Variants in AXL observed in about 807,000 individuals in gnomAD.
AXL encodes AXL receptor tyrosine kinase.
AXL carries 52 observed loss-of-function variants against 104.5 expected under a neutral mutation model. The ratio of observed to expected loss-of-function variants is 0.50; its 90% CI spans 0.40 to 0.63. The LOEUF is 0.63. Among genes scored for constraint, AXL ranks in the 20% least tolerant of loss-of-function variants. The pLI is 0.00. For synonymous variants in AXL, 455 were observed against 473.7 expected (o/e 0.96, Z 0.51); for missense variants, 1,024 against 1,188.5 (o/e 0.86, Z 2.04).
intron 19 of AXL, 48 bp downstream of exon 19, chr19:41,257,677 T>A: frequency 6.2e-7 from 1 of 1,611,080 alleles, no homozygotes; most frequent in Admixed American, 1.7e-5. Flanking sequence ...TCCAAACCCC[T>A]GACTACCCCC....
intron 17 of AXL, among the ~76,000 whole-genome samples, chr19:41,256,080 GGTGT>G (rs71177704): frequency 1.2e-4 from 18 of 150,618 alleles, no homozygotes; most frequent in Non-Finnish European, 2.4e-4. Context: ...TGGTTACATG[GGTGT>G]GTGTGTGTGT....
At chr19:41,244,940 T>G (rs927468828) in intron 12 of AXL, among the ~76,000 whole-genome samples, 8 of 152,046 alleles carry the variant, frequency 5.3e-5, no homozygotes, top group Non-Finnish European at 1.0e-4. Flanking sequence ...TACTATTTTT[T>G]TTTTTTTTTT....
chr19:41,226,879 G>C, intron 4 of AXL: 2 of 854,272 alleles, frequency 2.3e-6, no homozygotes, highest in Non-Finnish European at 2.8e-6. Flanking sequence ...GGATCGCTTG[G>C]GGCCAGAAGT....
In AXL at chr19:41,249,554, G is replaced by A. The variant is rs576319151; in HGVS notation, c.1711+734G>A. Among the ~76,000 whole-genome samples the A allele has an allele frequency of 1.8e-4, 27 of 152,174 alleles. No homozygotes were observed. In the East Asian group the frequency reaches 4.6e-3, roughly 26 times the overall value. On this transcript the variant is annotated intron_variant, in intron 14 of 19. Coordinates refer to ENST00000301178, the MANE Select transcript of AXL (RefSeq NM_021913.5). ...GTGGATCACATGAGGTCAGGAGTTC[G>A]AGACTGGCCTGATCTGCATAGCGAA...
At chr19:41,252,747 T>A (rs1238341444) in intron 15 of AXL, 99 bp from the exon 16 acceptor site, 2 of 1,570,192 alleles carry the variant, frequency 1.3e-6, no homozygotes, top group African/African-American at 2.7e-5. Context: ...GTGGCCAGAT[T>A]GGATGGGTAG....
chr19:41,243,845 TAGAA>T (rs2034226487), intron 12 of AXL, 138 bp downstream of exon 12: 1 of 657,110 alleles, frequency 1.5e-6, no homozygotes. Context: ...CCACAGACCC[TAGAA>T]ATAACAGATT....
chr19:41,230,815 C>T, intron 4 of AXL, 152 bp from the exon 5 acceptor site: 1 of 787,508 alleles, frequency 1.3e-6, no homozygotes, highest in Non-Finnish European at 2.2e-6. Flanking sequence ...AACTCATTGC[C>T]CTCAACTCTG....
At chr19:41,258,709 C>T (rs1599745463) in intron 19 of AXL, among the ~76,000 whole-genome samples, 2 of 152,242 alleles carry the variant, frequency 1.3e-5, no homozygotes, top group African/African-American at 4.8e-5. Context: ...AGCCTCCACG[C>T]CCAGTCTGGG....
At chr19:41,235,669 T>C (rs1014306411) in intron 6 of AXL, among the ~76,000 whole-genome samples, 1 of 152,168 alleles carries the variant, frequency 6.6e-6, no homozygotes, top group Non-Finnish European at 1.5e-5. Flanking sequence ...GAGCAAAGAC[T>C]CTGGGGACAG....
rs776286865 is a variant in AXL at position 41,230,955 on chromosome 19, A to G, written c.587-12A>G. ...CTCTGATATTGGACCCTTCCCTCAT[A>G]TGACTCCCTAGGGCTGAACAAGACA... On this transcript the variant is annotated splice_polypyrimidine_tract_variant and intron_variant, in intron 4 of 19. Transcript: ENST00000301178. 6.2e-7 allele frequency: 1 copy of G among 1,613,234 alleles called. No individual in the cohort carries two copies. Among genetic ancestry groups the G allele is most frequent in the Non-Finnish European group, 8.5e-7 (1 of 1,179,570 alleles).
rs2033763830 is a variant in AXL, at chr19:41,220,252, C to G, written c.86-384C>G. 7 of 204,454 alleles carry G rather than the reference C, an allele frequency of 3.4e-5. 1 individual carries two copies. In the South Asian group the frequency reaches 6.7e-4, roughly 20 times the overall value. 12.7% of individuals were successfully genotyped at this position (204,454 alleles called of 1,614,324 possible). On this transcript the variant is annotated intron_variant, in intron 1 of 19. Transcript: ENST00000301178. ...CGCCACCACCCTTATCTCCCCCCAC[C>G]ACCACCCTTATCTCTCTCCCCCAAC...
rs1370431083 is a variant in AXL, at chr19:41,256,396, C to T, written c.2037-56C>T. The stretch of plus-strand genomic sequence containing the variant: ...AGATGTGTCTGAGAGCCAGGGCAGG[C>T]TTCCTGGTGGAGGTGACTGATGCCC... On this transcript the variant is annotated intron_variant, in intron 17 of 19. Coordinates refer to ENST00000301178, the MANE Select transcript of AXL (RefSeq NM_021913.5). 5.1e-6 allele frequency: 8 copies of T among 1,583,972 alleles called. No homozygotes were observed. The African/African-American group carries it at 8.1e-5, about 16-fold the overall frequency.
intron 12 of AXL, among the ~76,000 whole-genome samples, chr19:41,245,397 C>T (rs539918737): frequency 1.2e-4 from 19 of 152,310 alleles, no homozygotes; most frequent in African/African-American, 4.3e-4. Context: ...TGCAAGGTCT[C>T]AGCCGAGGAG....
At chr19:41,239,874 C>A (rs748245795) in intron 10 of AXL, among the ~76,000 whole-genome samples, 154 bp downstream of exon 10, 1 of 152,148 alleles carries the variant, frequency 6.6e-6, no homozygotes, top group Non-Finnish European at 1.5e-5. Context: ...GATGGAGGTG[C>A]CTATAATGGC....
chr19:41,244,230 G>T (rs2034234263), intron 12 of AXL, among the ~76,000 whole-genome samples: 2 of 151,690 alleles, frequency 1.3e-5, no homozygotes, highest in Admixed American at 1.3e-4. Context: ...ATAAAAGAAA[G>T]AAAAGAAACA....
intron 18 of AXL, 75 bp from the exon 19 acceptor site, chr19:41,257,418 G>A (rs2034470858): frequency 4.5e-6 from 7 of 1,564,420 alleles, no homozygotes; most frequent in Non-Finnish European, 6.2e-6. Context: ...AAGTGTGGGT[G>A]TACCCATGAA....
chr19:41,234,098 G>A (rs753436064), intron 6 of AXL, among the ~76,000 whole-genome samples: 3 of 151,878 alleles, frequency 2.0e-5, no homozygotes, highest in African/African-American at 7.3e-5. Flanking sequence ...CCCCCTCCTC[G>A]TACCCACCAT....
At chr19:41,244,434 G>A (rs369712060) in intron 12 of AXL, among the ~76,000 whole-genome samples, 15 of 151,740 alleles carry the variant, frequency 9.9e-5, no homozygotes, top group Admixed American at 3.9e-4. Context: ...GTATCTCCTC[G>A]TTTAACCCTC....
rs185427882 is a variant in AXL at position 41,244,505 on chromosome 19, A to C, written c.1537+798A>C. 3.3e-3 allele frequency among the ~76,000 whole-genome samples: 490 copies of C among 150,118 alleles called. 2 individuals carry two copies. Among genetic ancestry groups the C allele is most frequent in the Non-Finnish European group, 5.2e-3 (354 of 67,672 alleles). ...TTTTTTCTTTTTTTTTTTGAGACAG[A>C]GTCTCGCTCTGTTGCCCAGGCTGGA... On this transcript the variant is annotated intron_variant, in intron 12 of 19. Transcript: ENST00000301178.
Sources: allele counts gnomAD v4.1 joint callset (sites outside exome capture counted in the v4.1 genomes callset), GRCh38; gene constraint gnomAD v4.1.1; transcripts MANE v1.5; gene names NCBI Gene and HGNC (gene_info 2026-07-23, HGNC 2026-07-21).